TMEM132C: variants seen among roughly 807,000 people sequenced by gnomAD.
TMEM132C encodes protein phosphatase 1, regulatory subunit 152.
Under a neutral mutation model 61.4 loss-of-function variants are expected in TMEM132C, and 29 were observed. The ratio of observed to expected loss-of-function variants is 0.47; its 90% CI spans 0.35 to 0.64. The LOEUF (loss-of-function observed/expected upper bound fraction) is 0.64. Ranked by LOEUF, TMEM132C falls within the 30% of genes least tolerant of loss-of-function variation. The pLI, the probability that TMEM132C is intolerant of heterozygous loss-of-function variation, is 0.00. For missense variants in TMEM132C, 1,408 were observed against 1,476.9 expected (o/e 0.95, Z 0.76); for synonymous variants, 656 against 633.1 (o/e 1.04, Z -0.54).
chr12:128,518,823 A>G (rs1464892065), intron 2 of TMEM132C, among the ~76,000 whole-genome samples: 1 of 152,108 alleles, frequency 6.6e-6, no homozygotes, highest in Non-Finnish European at 1.5e-5. Context: ...AAAAGACTGC[A>G]TGGTTTGAAT....
chr12:128,480,580 C>A (rs11837695), intron 2 of TMEM132C, among the ~76,000 whole-genome samples: 10,743 of 152,252 alleles, frequency 0.071, 1,224 homozygotes, highest in African/African-American at 0.24. Context: ...GTTGCTGCAG[C>A]ACCCCGGGGC....
intron 2 of TMEM132C, among the ~76,000 whole-genome samples, chr12:128,444,758 G>A (rs1166208362): frequency 1.3e-5 from 2 of 152,212 alleles, no homozygotes; most frequent in African/African-American, 2.4e-5. Flanking sequence ...GTGGCCCCAC[G>A]TCCTTGGCGC....
At chr12:128,289,974 T>C (rs1017799769) in intron 1 of TMEM132C, among the ~76,000 whole-genome samples, 1 of 152,188 alleles carries the variant, frequency 6.6e-6, no homozygotes, top group African/African-American at 2.4e-5. Context: ...AGATCTGATA[T>C]CAGCTGCTTT....
intron 3 of TMEM132C, among the ~76,000 whole-genome samples, chr12:128,596,159 G>A (rs771037030): frequency 3.4e-5 from 5 of 148,276 alleles, no homozygotes; most frequent in Admixed American, 6.7e-5. Flanking sequence ...TGGTACAGAG[G>A]TGGCACGGCT....
chr12:128,562,293 T>G (rs1874550917), intron 3 of TMEM132C, among the ~76,000 whole-genome samples: 2 of 152,208 alleles, frequency 1.3e-5, no homozygotes, highest in Non-Finnish European at 2.9e-5. Flanking sequence ...TCTCTTAACA[T>G]AGAGAGATTA....
intron 1 of TMEM132C, among the ~76,000 whole-genome samples, chr12:128,270,288 A>T (rs1040774717): frequency 5.9e-5 from 9 of 152,220 alleles, no homozygotes; most frequent in African/African-American, 2.2e-4. Context: ...GAATGACAAG[A>T]TAGAAGGAAA....
chr12:128,366,008 G>A (rs1001780642), intron 1 of TMEM132C, among the ~76,000 whole-genome samples: 1 of 152,164 alleles, frequency 6.6e-6, no homozygotes, highest in African/African-American at 2.4e-5. Context: ...CTGGATCCGC[G>A]GGCCGTGATT....
In TMEM132C at chr12:128,577,343, C is replaced by T. The variant is rs1019011909; in HGVS notation, c.1121+33240C>T. Among the ~76,000 whole-genome samples, 69 of 152,330 alleles carry T rather than the reference C, an allele frequency of 4.5e-4. 1 individual carries two copies. Among genetic ancestry groups the T allele is most frequent in the African/African-American group, 1.5e-3 (64 of 41,562 alleles). ...CTCTTAGTCCCATTTGTTACTGTCT[C>T]TTTTCACGGTTGGGAGAAAAATTGG... On this transcript the variant is annotated intron_variant, in intron 3 of 8. Coordinates refer to ENST00000435159, the MANE Select transcript of TMEM132C (RefSeq NM_001136103.3).
intron 3 of TMEM132C, among the ~76,000 whole-genome samples, chr12:128,557,879 G>A (rs182047627): frequency 1.3e-4 from 20 of 152,144 alleles, no homozygotes; most frequent in Non-Finnish European, 2.1e-4. Flanking sequence ...TGCTGACATC[G>A]TGCCCAAATT....
chr12:128,572,593 T>C (rs1251414869), intron 3 of TMEM132C, among the ~76,000 whole-genome samples: 1 of 149,916 alleles, frequency 6.7e-6, no homozygotes, highest in Non-Finnish European at 1.5e-5. Flanking sequence ...CAGACCTGTG[T>C]CACATGCCCA....
chr12:128,674,309 T>C (rs1422740586), intron 5 of TMEM132C, among the ~76,000 whole-genome samples: 2 of 152,242 alleles, frequency 1.3e-5, no homozygotes, highest in African/African-American at 4.8e-5. Flanking sequence ...TATTGCGGAA[T>C]AGTATTCCAC....
intron 2 of TMEM132C, among the ~76,000 whole-genome samples, chr12:128,427,848 T>C (rs1869247897): frequency 6.6e-6 from 1 of 152,242 alleles, no homozygotes; most frequent in Admixed American, 6.5e-5. Context: ...GCTCTGATAT[T>C]GCAAGCACTG....
At chr12:128,368,153 T>C (rs1001906232) in intron 1 of TMEM132C, among the ~76,000 whole-genome samples, 20 of 152,200 alleles carry the variant, frequency 1.3e-4, no homozygotes, top group African/African-American at 3.9e-4. Context: ...ACTTGGCAAA[T>C]GGACATGGGG....
intron 3 of TMEM132C, among the ~76,000 whole-genome samples, chr12:128,615,341 G>T (rs1289125305): frequency 4.6e-5 from 7 of 152,156 alleles, no homozygotes; most frequent in Non-Finnish European, 8.8e-5. Flanking sequence ...TACATTTATT[G>T]TGCAGCTTAT....
chr12:128,618,938 T>C (rs1471441741), intron 4 of TMEM132C, among the ~76,000 whole-genome samples: 1 of 152,154 alleles, frequency 6.6e-6, no homozygotes, highest in Admixed American at 6.5e-5. Context: ...AATTAGAAAA[T>C]AGATGAGGCA....
chr12:128,370,871 T>G (rs942101216), intron 1 of TMEM132C, among the ~76,000 whole-genome samples: 1 of 152,096 alleles, frequency 6.6e-6, no homozygotes, highest in Non-Finnish European at 1.5e-5. Context: ...ACCAGAATAA[T>G]AGCAGCTACC....
rs566574998 is a variant in TMEM132C, at chr12:128,613,207, T to G, written c.1122-2945T>G. Among the ~76,000 whole-genome samples the G allele has an allele frequency of 6.3e-3, 961 of 152,296 alleles. 13 individuals are homozygous for G. Among genetic ancestry groups the G allele is most frequent in the African/African-American group, 0.022 (911 of 41,560 alleles). On this transcript the variant is annotated intron_variant, in intron 3 of 8. Coordinates refer to ENST00000435159, the MANE Select transcript of TMEM132C (RefSeq NM_001136103.3). Reference sequence around the variant, plus strand: ...CTGAGTAGAGTCAGTCAAGTAGCCATGCAGCTCCTGGACAGCACCAGTACT... The same window carrying G: ...CTGAGTAGAGTCAGTCAAGTAGCCAGGCAGCTCCTGGACAGCACCAGTACT...
At chr12:128,628,499 G>A (rs1367525491) in intron 4 of TMEM132C, among the ~76,000 whole-genome samples, 1 of 152,122 alleles carries the variant, frequency 6.6e-6, no homozygotes, top group South Asian at 2.1e-4. Context: ...ATAACAGCCG[G>A]CCACTCTATG....
chr12:128,357,969 G>GA (rs1293615738), intron 1 of TMEM132C, among the ~76,000 whole-genome samples: 14 of 152,170 alleles, frequency 9.2e-5, no homozygotes, highest in East Asian at 1.9e-4. Flanking sequence ...CCTGCTCAGG[G>GA]GCCAGGAGTG....
Sources: gnomAD v4.1 joint callset for allele counts (sites outside exome capture counted in the v4.1 genomes callset) on GRCh38, gnomAD v4.1.1 for gene constraint, MANE v1.5 for transcripts, NCBI Gene and HGNC (gene_info 2026-07-23, HGNC 2026-07-21) for gene names.